PRKCE: variants seen among roughly 807,000 people sequenced by gnomAD.
The protein encoded by PRKCE is protein kinase C epsilon, also known as protein kinase C epsilon type.
Under a neutral mutation model 85.4 loss-of-function variants are expected in PRKCE, and 16 were observed. That is an observed-to-expected ratio of 0.19 (90% confidence interval 0.13 to 0.28). PRKCE has a LOEUF of 0.28. Ranked by LOEUF, PRKCE falls within the 10% of genes least tolerant of loss-of-function variation. PRKCE has a pLI of 1.00. For synonymous variants in PRKCE, 388 were observed against 371.5 expected, an observed-to-expected ratio of 1.04 and a Z score of -0.51; for missense variants, 573 against 975.2, an observed-to-expected ratio of 0.59 and a Z score of 5.49.
chr2:46,142,029 C>G (rs969040305), intron 11 of PRKCE, among the ~76,000 whole-genome samples: 3 of 152,166 alleles, frequency 2.0e-5, no homozygotes, highest in African/African-American at 7.2e-5. Flanking sequence ...AACATACAGG[C>G]AGGAGACTCC....
At chr2:45,841,284 C>T (rs999920016) in intron 1 of PRKCE, among the ~76,000 whole-genome samples, 15 of 152,190 alleles carry the variant, frequency 9.9e-5, no homozygotes, top group Non-Finnish European at 1.0e-4. Context: ...CGCTGAGGAG[C>T]AAGGAAGCCA....
chr2:45,772,406 G>A (rs946297248), intron 1 of PRKCE, among the ~76,000 whole-genome samples: 2 of 152,156 alleles, frequency 1.3e-5, no homozygotes, highest in African/African-American at 4.8e-5. Flanking sequence ...TTAGGAACCT[G>A]GGAGGGACAG....
intron 1 of PRKCE, among the ~76,000 whole-genome samples, chr2:45,737,482 G>T (rs1161508979): frequency 6.6e-6 from 1 of 152,194 alleles, no homozygotes; most frequent in Non-Finnish European, 1.5e-5. Context: ...CGAAGCGGGA[G>T]ACCCGGAGTG....
At chr2:45,710,673 G>A (rs1372238344) in intron 1 of PRKCE, among the ~76,000 whole-genome samples, 1 of 152,246 alleles carries the variant, frequency 6.6e-6, no homozygotes. Flanking sequence ...AGTATGCCCA[G>A]GGCTTGGGGA....
rs985018010 is a variant in PRKCE at position 45,905,589 on chromosome 2, C to T, written c.412+62526C>T. ...AAGCTGGGCAAAGCAGGGCTTTCACCGGGCTCTGTGTATCCTGGCCCTGCA... is the reference window on the plus strand; with the variant it reads ...AAGCTGGGCAAAGCAGGGCTTTCACTGGGCTCTGTGTATCCTGGCCCTGCA... On this transcript the variant is annotated intron_variant, in intron 2 of 14. Coordinates refer to ENST00000306156, the MANE Select transcript of PRKCE (RefSeq NM_005400.3). This position sits in a 1 kb window ranked among gnomAD's most constrained non-coding sequence, Gnocchi z 4.4. 2.6e-5 allele frequency among the ~76,000 whole-genome samples: 4 copies of T among 152,178 alleles called. No homozygotes were observed. The highest frequency in any genetic ancestry group is 7.2e-5 in the African/African-American group (3 of 41,422).
chr2:46,019,386 A>G (rs1328202278), intron 10 of PRKCE, among the ~76,000 whole-genome samples: 1 of 152,170 alleles, frequency 6.6e-6, no homozygotes, highest in African/African-American at 2.4e-5. Context: ...GGTCCTGTCC[A>G]GGGTGGTTCC....
intron 1 of PRKCE, among the ~76,000 whole-genome samples, chr2:45,751,132 T>C (rs1683524747): frequency 6.6e-6 from 1 of 152,180 alleles, no homozygotes; most frequent in African/African-American, 2.4e-5. Flanking sequence ...TACTCTTCCC[T>C]CTTTTGGGAA....
At chr2:46,131,873 C>A (rs573206537) in intron 11 of PRKCE, among the ~76,000 whole-genome samples, 2 of 152,326 alleles carry the variant, frequency 1.3e-5, no homozygotes, top group African/African-American at 4.8e-5. Context: ...TTGAGGTTTA[C>A]AGTTACTTTC....
rs373625235 is a variant in PRKCE, at chr2:46,022,809, C to T, written c.1437+12292C>T. Among the ~76,000 whole-genome samples the T allele has an allele frequency of 6.6e-5, 10 of 152,294 alleles. No individual in the cohort carries two copies. The South Asian group carries it at 1.2e-3, about 19-fold the overall frequency. ...AACAGTTTCAATATCATCGGCCGGG[C>T]GCGGTGGCTCACGCCTGTAATCCCA... On this transcript the variant is annotated intron_variant, in intron 10 of 14. Transcript: ENST00000306156.
At chr2:45,952,602 G>A (rs1022842247) in intron 2 of PRKCE, among the ~76,000 whole-genome samples, 25 of 152,194 alleles carry the variant, frequency 1.6e-4, no homozygotes, top group African/African-American at 6.0e-4. Flanking sequence ...TTACCAAACA[G>A]TTGAATTAAG....
intron 1 of PRKCE, among the ~76,000 whole-genome samples, chr2:45,789,038 G>C (rs1409709263): frequency 1.3e-5 from 2 of 152,112 alleles, no homozygotes; most frequent in African/African-American, 4.8e-5. Context: ...GTGCAAGCAA[G>C]GTGGAGAACC....
At chr2:45,969,034 C>T (rs1701926714) in intron 2 of PRKCE, among the ~76,000 whole-genome samples, 1 of 99,588 alleles carries the variant, frequency 1.0e-5, no homozygotes, top group South Asian at 3.8e-4. Context: ...TTATCCCGTG[C>T]ATTGGGGCTG....
In PRKCE at chr2:46,004,468, T is replaced by C. The variant is rs980776638; in HGVS notation, c.967-74T>C. The C allele has an allele frequency of 2.5e-6, 3 of 1,223,658 alleles. No individual in the cohort carries two copies. The highest frequency in any genetic ancestry group is 3.5e-6 in the Non-Finnish European group (3 of 862,614). The allele number at this position is 1,223,658 out of a possible 1,614,324, so 75.8% of individuals were successfully genotyped here. ...ACTCTCATGGCTCTTATACGGCATC[T>C]TGATGCTTTTGACATCAGAAAACTC... On this transcript the variant is annotated intron_variant, in intron 7 of 14. Coordinates refer to ENST00000306156, the MANE Select transcript of PRKCE (RefSeq NM_005400.3). This position sits in a 1 kb window ranked among gnomAD's most constrained non-coding sequence, Gnocchi z 4.1.
intron 2 of PRKCE, among the ~76,000 whole-genome samples, chr2:45,942,385 A>G (rs909618365): frequency 1.3e-5 from 2 of 152,220 alleles, no homozygotes; most frequent in African/African-American, 2.4e-5. Context: ...GTGAGAAAAA[A>G]ATCATATAGG....
At chr2:45,751,681 C>G (rs1461347566) in intron 1 of PRKCE, among the ~76,000 whole-genome samples, 3 of 151,926 alleles carry the variant, frequency 2.0e-5, no homozygotes, top group South Asian at 2.1e-4. Flanking sequence ...AGAATGTAAT[C>G]GACTTTAAAA....
chr2:45,911,941 G>T (rs956945661), intron 2 of PRKCE, among the ~76,000 whole-genome samples: 1 of 152,066 alleles, frequency 6.6e-6, no homozygotes, highest in Non-Finnish European at 1.5e-5. Flanking sequence ...GCTGCTGCTT[G>T]TTGTGGTGGT....
chr2:45,837,671 A>G (rs192695480), intron 1 of PRKCE, among the ~76,000 whole-genome samples: 4 of 152,212 alleles, frequency 2.6e-5, no homozygotes, highest in Admixed American at 2.6e-4. Context: ...AGCACACTGC[A>G]TGATATAATG....
chr2:46,171,050 C>T (rs373531817), intron 14 of PRKCE, among the ~76,000 whole-genome samples: 1 of 152,158 alleles, frequency 6.6e-6, no homozygotes, highest in Non-Finnish European at 1.5e-5. Flanking sequence ...CAGAATGAGT[C>T]CAAGTTGCCA....
chr2:45,891,451 C>T (rs555370034), intron 2 of PRKCE, among the ~76,000 whole-genome samples: 1 of 152,220 alleles, frequency 6.6e-6, no homozygotes, highest in African/African-American at 2.4e-5. Flanking sequence ...TTGCTCCCAT[C>T]CTGATGCTGG....
Sources: allele counts gnomAD v4.1 joint callset (sites outside exome capture counted in the v4.1 genomes callset), GRCh38; gene constraint gnomAD v4.1.1; non-coding constraint Gnocchi (gnomAD v3.1); transcripts MANE v1.5; gene names NCBI Gene and HGNC (gene_info 2026-07-23, HGNC 2026-07-21).